TRAF1: variants seen among roughly 807,000 people sequenced by gnomAD.
TRAF1 encodes the protein TNF receptor-associated factor 1.
A neutral mutation model predicts 40.9 loss-of-function variants in TRAF1; 23 were observed. That is an observed-to-expected ratio of 0.56 (90% CI 0.40 to 0.80). TRAF1 has a LOEUF of 0.80. Among genes scored for constraint, TRAF1 ranks in the 30% least tolerant of loss-of-function variants. The probability of loss-of-function intolerance (pLI) is 0.00; values close to 1 mark genes in which losing one functional copy is unlikely to be tolerated. For missense variants in TRAF1, 477 were observed against 528.7 expected, an observed-to-expected ratio of 0.90 and a Z score of 0.96; for synonymous variants, 206 against 218.8, an observed-to-expected ratio of 0.94 and a Z score of 0.52.
At chr9:120,906,173 GTTTTTTTTTTTTT>G (rs35324048) in intron 7 of TRAF1, among the ~76,000 whole-genome samples, 1 of 84,880 alleles carries the variant, frequency 1.2e-5, no homozygotes, top group Non-Finnish European at 2.4e-5. Flanking sequence ...ATTATGGTGT[GTTTTTTTTTTTTT>G]TTTTTTTTTT....
In TRAF1 at chr9:120,904,821, C is replaced by G; in HGVS notation, c.*199G>C. ...AGCTCTGCCTGTCTCCTTCTGGACC[C>G]TTTGCCTTTGTGGGCCCAGCCCACG... On this transcript the variant is annotated 3_prime_UTR_variant, in exon 8 of 8. Coordinates refer to ENST00000373887, the MANE Select transcript of TRAF1 (RefSeq NM_005658.5). The G allele has an allele frequency of 1.6e-6, 1 of 618,356 alleles. No individual in the cohort carries two copies. Among genetic ancestry groups the G allele is most frequent in the African/African-American group, 1.8e-5 (1 of 54,270 alleles). 38.3% of individuals were successfully genotyped at this position (618,356 alleles called of 1,614,324 possible).
In TRAF1 at chr9:120,904,876, G is replaced by A. The variant is rs1366869546; in HGVS notation, c.*144C>T. Reference sequence around the variant, plus strand: ...GCCATCCTAACCAGATGGCCAGCCCGAAGTCGACCCCTCAGTCTTGCTTGG... The same window carrying A: ...GCCATCCTAACCAGATGGCCAGCCCAAAGTCGACCCCTCAGTCTTGCTTGG... On this transcript the variant is annotated 3_prime_UTR_variant, in exon 8 of 8. Coordinates refer to ENST00000373887, the MANE Select transcript of TRAF1 (RefSeq NM_005658.5). The A allele has an allele frequency of 1.8e-5, 15 of 850,460 alleles. No individual in the cohort carries two copies. Among genetic ancestry groups the A allele is most frequent in the Non-Finnish European group, 2.3e-5 (13 of 555,688 alleles). 52.7% of individuals were successfully genotyped at this position (850,460 alleles called of 1,614,324 possible).
At chr9:120,923,900 T>A in intron 2 of TRAF1, 108 bp from the exon 3 acceptor site, 1 of 988,210 alleles carries the variant, frequency 1.0e-6, no homozygotes, top group Non-Finnish European at 1.6e-6. Context: ...GGTGATCATG[T>A]ACGTCCACAA....
rs1360332652 is a variant in TRAF1 at position 120,902,466 on chromosome 9, T to C, written c.*2554A>G. ...AATTATCATCTCATCCTGCTTTCAA[T>C]AGGCCCAGGGTTACCAGCAGGTGCT... is the stretch of plus-strand genomic sequence containing the variant. On this transcript the variant is annotated 3_prime_UTR_variant, in exon 8 of 8. Transcript: ENST00000373887. 7.7e-6 allele frequency: 1 copy of C among 129,774 alleles called. No homozygotes were observed. The highest frequency in any genetic ancestry group is 1.6e-5 in the Non-Finnish European group (1 of 64,368). The allele number at this position is 129,774 out of a possible 1,614,324, so 8.0% of individuals were successfully genotyped here.
chr9:120,911,126 G>A (rs2046522896), intron 6 of TRAF1, among the ~76,000 whole-genome samples: 2 of 152,246 alleles, frequency 1.3e-5, no homozygotes. Flanking sequence ...ACCGCTATGT[G>A]TGGCTGAGAG....
intron 3 of TRAF1, among the ~76,000 whole-genome samples, chr9:120,919,324 A>G (rs936928238): frequency 6.6e-6 from 1 of 152,222 alleles, no homozygotes; most frequent in Non-Finnish European, 1.5e-5. Flanking sequence ...TCTGGGTCTG[A>G]GGAGTCTCTG....
intron 3 of TRAF1, 129 bp from the exon 4 acceptor site, chr9:120,914,429 C>T (rs1257657063): frequency 2.7e-5 from 34 of 1,242,916 alleles, no homozygotes; most frequent in Non-Finnish European, 3.0e-5. Context: ...CACTGCTGTT[C>T]CCTTTGGCTA....
chr9:120,905,220 C>G lies in TRAF1; in HGVS notation c.1051G>C (p.Asp351His). The change falls in exon 8 of 8, where the codon GAC becomes CAC. Residue 351 changes from aspartate to histidine, a missense_variant. Asp to His is a moderately conservative substitution (Grantham distance 81). Transcript: ENST00000373887. ...FRNKVTFMLLDQNNREHAIDA... is the reference protein window; with the variant it reads ...FRNKVTFMLLHQNNREHAIDA... ...ATGGCGTGCTCACGGTTGTTCTGGT[C>G]CAGCAGCATGAAGGTGACCTGCAGG... 3 of 1,611,794 alleles carry G rather than the reference C, an allele frequency of 1.9e-6. No homozygotes were observed. Among genetic ancestry groups the G allele is most frequent in the South Asian group, 2.2e-5 (2 of 90,666 alleles).
At chr9:120,906,613 G>C (rs2046484796) in intron 7 of TRAF1, among the ~76,000 whole-genome samples, 1 of 152,066 alleles carries the variant, frequency 6.6e-6, no homozygotes, top group African/African-American at 2.4e-5. Context: ...ATCCCCACCA[G>C]AGTGGTAGTT....
Position 120,905,200 on chromosome 9 carries a change from G to C in TRAF1, c.1071C>G (p.His357Gln), listed in dbSNP as rs377159992. 2 of 1,613,574 alleles carry C rather than the reference G, an allele frequency of 1.2e-6. No homozygotes were observed. ...FMLLDQNNRE[H>Q]AIDAFRPDLS... Reference sequence around the variant, plus strand: ...GGTCAGGCCGGAAGGCGTCAATGGCGTGCTCACGGTTGTTCTGGTCCAGCA... The same window carrying C: ...GGTCAGGCCGGAAGGCGTCAATGGCCTGCTCACGGTTGTTCTGGTCCAGCA... Residue 357 changes from histidine (H) to glutamine (Q), a missense_variant, in exon 8 of 8, where the codon CAC becomes CAG. Transcript: ENST00000373887.
intron 3 of TRAF1, among the ~76,000 whole-genome samples, chr9:120,916,063 C>A (rs1238224292): frequency 6.6e-6 from 1 of 152,174 alleles, no homozygotes; most frequent in Non-Finnish European, 1.5e-5. Context: ...CCAAATGTGT[C>A]ATCAGCTGGT....
At chr9:120,908,822 A>G (rs536198711) in intron 7 of TRAF1, among the ~76,000 whole-genome samples, 87 of 152,212 alleles carry the variant, frequency 5.7e-4, no homozygotes, top group Admixed American at 1.8e-3. Context: ...GGCCTCCCAA[A>G]TTGTTGAGAT....
At chr9:120,919,544 C>T (rs1347468907) in intron 3 of TRAF1, among the ~76,000 whole-genome samples, 1 of 152,234 alleles carries the variant, frequency 6.6e-6, no homozygotes, top group African/African-American at 2.4e-5. Context: ...CCACACTGGG[C>T]TGAGGTCAGG....
chr9:120,914,341 C>T (rs901710687), intron 3 of TRAF1, 41 bp from the exon 4 acceptor site: 2 of 1,404,944 alleles, frequency 1.4e-6, no homozygotes, highest in African/African-American at 1.4e-5. Context: ...ATAGCGATCC[C>T]TGTGGCTACC....
intron 4 of TRAF1, 53 bp downstream of exon 4, chr9:120,914,182 G>A: frequency 7.2e-7 from 1 of 1,396,880 alleles, no homozygotes; most frequent in South Asian, 1.8e-5. Context: ...GGGGAGACCT[G>A]GAGGTCTGGA....
upstream of TRAF1, chr9:120,929,015 C>T (rs1044635827): frequency 1.7e-4 from 26 of 152,282 alleles, no homozygotes; most frequent in African/African-American, 6.3e-4. This position sits in a 1 kb window ranked among gnomAD's most constrained non-coding sequence, Gnocchi z 4.5. Context: ...CGAGGAGTCC[C>T]CGCCTCAGCA....
At chr9:120,911,654 G>T in intron 5 of TRAF1, 141 bp from the exon 6 acceptor site, 1 of 959,366 alleles carries the variant, frequency 1.0e-6, no homozygotes, top group Non-Finnish European at 1.5e-6. Context: ...ATCTGAATGT[G>T]CTGCCCCCTG....
In TRAF1 at chr9:120,923,730, C is replaced by T. The variant is rs556942293; in HGVS notation, c.203G>A (p.Gly68Glu). 6.2e-7 allele frequency: 1 copy of T among 1,614,190 alleles called. No individual in the cohort carries two copies. The highest frequency in any genetic ancestry group is 8.5e-7 in the Non-Finnish European group (1 of 1,180,028). Residue 68 changes from glycine (G) to glutamate (E), a missense_variant, in exon 3 of 8, where the codon GGA (glycine) becomes GAA (glutamate). Transcript: ENST00000373887. ...CTTCTCCTGAGTTCGAAGACGGCTT[C>T]CTGGGCTTATAGACTGGAGGTCTTC... ...RGEDLQSISP[G>E]SRLRTQEKAH...
At chr9:120,918,286 C>T (rs956831793) in intron 3 of TRAF1, among the ~76,000 whole-genome samples, 2 of 152,056 alleles carry the variant, frequency 1.3e-5, no homozygotes, top group African/African-American at 4.8e-5. Flanking sequence ...GGACATTATT[C>T]TGCCTAACAC....
Sources: allele counts gnomAD v4.1 joint callset (sites outside exome capture counted in the v4.1 genomes callset), GRCh38; gene constraint gnomAD v4.1.1; non-coding constraint Gnocchi (gnomAD v3.1); transcripts MANE v1.5; gene names NCBI Gene and HGNC (gene_info 2026-07-23, HGNC 2026-07-21).